NEMP2: variants seen among roughly 807,000 people sequenced by gnomAD.
NEMP2 encodes UPF0571 transmembrane protein.
Under a neutral mutation model 54.2 loss-of-function variants are expected in NEMP2, and 53 were observed. That is an observed-to-expected ratio of 0.98 (90% CI 0.78 to 1.23). NEMP2 has a LOEUF of 1.23. NEMP2 is among the 50% of genes most tolerant of loss of function. The pLI is 0.00. For synonymous variants in NEMP2, 197 were observed against 190.3 expected, an observed-to-expected ratio of 1.04 and a Z score of -0.29; for missense variants, 455 against 511.3, an observed-to-expected ratio of 0.89 and a Z score of 1.06.
At chr2:190,437,124 C>T in the NEMP2 span, 2 of 1,614,250 alleles carry the variant, frequency 1.2e-6, no homozygotes, top group East Asian at 2.2e-5. The surrounding 1 kb of genome is among the most constrained non-coding windows in gnomAD (Gnocchi z 5.9). Context: ...CCCCCGAGTA[C>T]AGGAATTACC....
Position 190,521,580 on chromosome 2 carries a change from C to T in NEMP2, c.214-2397G>A, listed in dbSNP as rs1472383006. On this transcript the variant is annotated intron_variant, in intron 2 of 8. Transcript: ENST00000409150. This position sits in a 1 kb window ranked among gnomAD's most constrained non-coding sequence, Gnocchi z 6.2. ...CCACCCATTTCTTTGCTTCTTGTTG[C>T]AATAAAATTCCTTTAAAAAGCTGCC... 6.6e-6 allele frequency among the ~76,000 whole-genome samples: 1 copy of T among 152,196 alleles called. No individual in the cohort carries two copies. Among genetic ancestry groups the T allele is most frequent in the Non-Finnish European group, 1.5e-5 (1 of 68,030 alleles).
chr2:190,645,314 G>T, the NEMP2 span, among the ~76,000 whole-genome samples: 9 of 152,110 alleles, frequency 5.9e-5, no homozygotes, highest in African/African-American at 2.2e-4. Flanking sequence ...TAAAAATTCA[G>T]AATCTGGTGT....
chr2:190,450,885 A>G, the NEMP2 span, among the ~76,000 whole-genome samples: 2 of 152,242 alleles, frequency 1.3e-5, no homozygotes, highest in South Asian at 2.1e-4. Flanking sequence ...ACATTTGTCC[A>G]GGTGTACTAT....
At chr2:190,602,944 G>T in the NEMP2 span, among the ~76,000 whole-genome samples, 1 of 152,188 alleles carries the variant, frequency 6.6e-6, no homozygotes, top group Non-Finnish European at 1.5e-5. Flanking sequence ...CTTATATACT[G>T]CTGCTGGAGG....
At chr2:190,492,141 C>T in the NEMP2 span, among the ~76,000 whole-genome samples, 1 of 152,012 alleles carries the variant, frequency 6.6e-6, no homozygotes. The surrounding 1 kb of genome is among the most constrained non-coding windows in gnomAD (Gnocchi z 5.2). Flanking sequence ...ACAAAGCCTC[C>T]AAGAAGTTTA....
At chr2:190,542,912 G>C in the NEMP2 span, among the ~76,000 whole-genome samples, 1 of 152,278 alleles carries the variant, frequency 6.6e-6, no homozygotes, top group East Asian at 1.9e-4. The surrounding 1 kb of genome is among the most constrained non-coding windows in gnomAD (Gnocchi z 4.6). Flanking sequence ...TGTCTGGAGA[G>C]GTCATGGTTC....
At chr2:190,632,240 T>C in the NEMP2 span, among the ~76,000 whole-genome samples, 2 of 152,210 alleles carry the variant, frequency 1.3e-5, no homozygotes, top group East Asian at 1.9e-4. This position sits in a 1 kb window ranked among gnomAD's most constrained non-coding sequence, Gnocchi z 4.8. Context: ...TGGTCCTGCA[T>C]GGTCCATGCT....
chr2:190,506,513 T>C lies in NEMP2; in HGVS notation c.*2676A>G, dbSNP rs558988467. The C allele has an allele frequency of 6.6e-6, 1 of 152,298 alleles. No individual in the cohort carries two copies. Among genetic ancestry groups the C allele is most frequent in the South Asian group, 2.1e-4 (1 of 4,826 alleles). The allele number at this position is 152,298 out of a possible 1,614,324, so 9.4% of individuals were successfully genotyped here. On this transcript the variant is annotated 3_prime_UTR_variant, in exon 9 of 9. Coordinates refer to ENST00000409150, the MANE Select transcript of NEMP2 (RefSeq NM_001142645.2). The surrounding 1 kb of genome is among the most constrained non-coding windows in gnomAD (Gnocchi z 6.3). ...TCATCTATTCCAAACCCTCTTAAAA[T>C]CTAAATATATGAAATTTCCAGATTT...
the NEMP2 span, among the ~76,000 whole-genome samples, chr2:190,561,924 A>T: frequency 6.6e-6 from 1 of 152,196 alleles, no homozygotes. This position sits in a 1 kb window ranked among gnomAD's most constrained non-coding sequence, Gnocchi z 5.4. Context: ...TTTTTAAAAT[A>T]AGAGGATCTT....
chr2:190,643,023 G>GTTT, the NEMP2 span, among the ~76,000 whole-genome samples: 10,781 of 78,926 alleles, frequency 0.14, 755 homozygotes, highest in East Asian at 0.2. Context: ...AATGGTTAAG[G>GTTT]TTTTTTTTTT....
At chr2:190,587,911 A>T in the NEMP2 span, among the ~76,000 whole-genome samples, 3 of 152,142 alleles carry the variant, frequency 2.0e-5, no homozygotes, top group Non-Finnish European at 4.4e-5. The surrounding 1 kb of genome is among the most constrained non-coding windows in gnomAD (Gnocchi z 5.4). Flanking sequence ...CAGCACTAAG[A>T]TTCCTCTCTT....
chr2:190,516,661 G>A (rs1690569090), intron 5 of NEMP2, among the ~76,000 whole-genome samples: 1 of 152,172 alleles, frequency 6.6e-6, no homozygotes, highest in Non-Finnish European at 1.5e-5. Flanking sequence ...CATGTACACT[G>A]AAGTTGGAGT....
At chr2:190,536,314 CAA>C (rs1048487873), upstream of NEMP2, among the ~76,000 whole-genome samples, 1 of 152,166 alleles carries the variant, frequency 6.6e-6, no homozygotes, top group Non-Finnish European at 1.5e-5. Flanking sequence ...AGGATCCTGG[CAA>C]AGACCCCCTG....
At chr2:190,534,250 T>C in intron 1 of NEMP2, 6 of 1,117,220 alleles carry the variant, frequency 5.4e-6, no homozygotes, top group Non-Finnish European at 5.5e-6. Context: ...TGTGTGACCC[T>C]GGGCAAATCA....
At chr2:190,425,791 G>T in the NEMP2 span, among the ~76,000 whole-genome samples, 2 of 152,052 alleles carry the variant, frequency 1.3e-5, no homozygotes, top group South Asian at 2.1e-4. This position sits in a 1 kb window ranked among gnomAD's most constrained non-coding sequence, Gnocchi z 4.3. Flanking sequence ...ATTTACCAGG[G>T]ATATTAGTAG....
At chr2:190,446,519 T>C in the NEMP2 span, among the ~76,000 whole-genome samples, 1 of 152,214 alleles carries the variant, frequency 6.6e-6, no homozygotes, top group Admixed American at 6.5e-5. Flanking sequence ...AAAATCTGCC[T>C]AATAACTCAC....
the NEMP2 span, among the ~76,000 whole-genome samples, chr2:190,496,683 T>C: frequency 2.6e-5 from 4 of 151,790 alleles, no homozygotes; most frequent in South Asian, 4.2e-4. This position sits in a 1 kb window ranked among gnomAD's most constrained non-coding sequence, Gnocchi z 4.7. Context: ...TGTGTGTATA[T>C]ACACACACAC....
At chr2:190,544,898 G>C in the NEMP2 span, among the ~76,000 whole-genome samples, 1 of 136,526 alleles carries the variant, frequency 7.3e-6, no homozygotes, top group East Asian at 2.1e-4. Flanking sequence ...GACTAGCCTA[G>C]TCACCATAGT....
At chr2:190,455,651 GA>G in the NEMP2 span, among the ~76,000 whole-genome samples, 5 of 151,970 alleles carry the variant, frequency 3.3e-5, no homozygotes, top group Admixed American at 1.3e-4. Context: ...ATATGAAGTG[GA>G]AAAAAATGCT....
Sources: allele counts gnomAD v4.1 joint callset (sites outside exome capture counted in the v4.1 genomes callset), GRCh38; gene constraint gnomAD v4.1.1; non-coding constraint Gnocchi (gnomAD v3.1); transcripts MANE v1.5; gene names NCBI Gene and HGNC (gene_info 2026-07-23, HGNC 2026-07-21).